AUTS2: variants seen among roughly 807,000 people sequenced by gnomAD.
The protein encoded by AUTS2 is autism susceptibility gene 2 protein.
AUTS2 carries 17 observed loss-of-function variants against 112.4 expected under a neutral mutation model. The ratio of observed to expected loss-of-function variants is 0.15; its 90% CI spans 0.10 to 0.23. AUTS2 has a LOEUF of 0.23. Among genes scored for constraint, AUTS2 ranks in the 10% least tolerant of loss-of-function variants. The probability of loss-of-function intolerance (pLI) is 1.00; values close to 1 mark genes in which losing one functional copy is unlikely to be tolerated. For missense variants in AUTS2, 1,510 were observed against 1,701.6 expected (o/e 0.89, Z 1.98); for synonymous variants, 751 against 702.7 (o/e 1.07, Z -1.09).
At chr7:69,696,693 AAG>A (rs1461670076) in intron 1 of AUTS2, among the ~76,000 whole-genome samples, 1 of 152,228 alleles carries the variant, frequency 6.6e-6, no homozygotes, top group Non-Finnish European at 1.5e-5. Flanking sequence ...ATTTTGCCCT[AAG>A]AACCTGACCT....
intron 1 of AUTS2, among the ~76,000 whole-genome samples, chr7:69,648,955 TTG>T (rs1013740043): frequency 1.5e-4 from 23 of 152,154 alleles, no homozygotes; most frequent in African/African-American, 5.5e-4. Context: ...GCTATTTAAG[TTG>T]GATGGCTGGG....
chr7:69,709,194 A>G (rs1479844760), intron 1 of AUTS2, among the ~76,000 whole-genome samples: 2 of 152,258 alleles, frequency 1.3e-5, no homozygotes, highest in Non-Finnish European at 2.9e-5. Context: ...GGAGAGGTTT[A>G]GAAAACTCCT....
At chr7:70,144,198 A>G (rs181239464) in intron 4 of AUTS2, among the ~76,000 whole-genome samples, 29 of 152,062 alleles carry the variant, frequency 1.9e-4, no homozygotes, top group Non-Finnish European at 4.0e-4. Context: ...ACTTTTTCCT[A>G]CCTTTGTGGA....
intron 4 of AUTS2, among the ~76,000 whole-genome samples, chr7:70,415,306 T>C (rs1031010350): frequency 3.3e-5 from 5 of 152,238 alleles, no homozygotes; most frequent in African/African-American, 1.2e-4. Flanking sequence ...TCTGATTTTT[T>C]CATTATGTCA....
intron 6 of AUTS2, chr7:70,698,893 C>G (rs1448364042): frequency 1.0e-5 from 3 of 297,646 alleles, no homozygotes; most frequent in Non-Finnish European, 1.8e-5. Flanking sequence ...AAGCTGTACT[C>G]GAGAAGAATA....
At chr7:70,460,991 T>C (rs1796940267) in intron 5 of AUTS2, among the ~76,000 whole-genome samples, 1 of 151,906 alleles carries the variant, frequency 6.6e-6, no homozygotes, top group Non-Finnish European at 1.5e-5. Flanking sequence ...GGGCAGAAGG[T>C]AAGTGGTGAC....
chr7:70,492,341 C>G (rs1798283709), intron 5 of AUTS2, among the ~76,000 whole-genome samples: 1 of 152,134 alleles, frequency 6.6e-6, no homozygotes, highest in African/African-American at 2.4e-5. Flanking sequence ...CATGTTGACA[C>G]TGATGCTGGC....
chr7:69,863,447 A>G (rs749133208), intron 1 of AUTS2, among the ~76,000 whole-genome samples: 2 of 152,192 alleles, frequency 1.3e-5, no homozygotes, highest in Non-Finnish European at 2.9e-5. Flanking sequence ...CCACAGATAC[A>G]GCGGGACAAC....
At chr7:70,185,558 A>C (rs1584850852) in intron 4 of AUTS2, among the ~76,000 whole-genome samples, 1 of 152,224 alleles carries the variant, frequency 6.6e-6, no homozygotes, top group East Asian at 1.9e-4. Context: ...CATTTATTTA[A>C]TTGTGGCTTG....
Position 70,143,508 on chromosome 7 carries a change from T to A in AUTS2, c.660+8937T>A, listed in dbSNP as rs540318590. Among the ~76,000 whole-genome samples the A allele has an allele frequency of 2.0e-5, 3 of 152,342 alleles. No homozygotes were observed. The East Asian group carries it at 5.8e-4, about 29-fold the overall frequency. The stretch of plus-strand genomic sequence containing the variant: ...CACTGTTAACAAACCTTAATTTGCT[T>A]AGTAGGCTAATGAATGATCTCCAAT... On this transcript the variant is annotated intron_variant, in intron 4 of 18. Transcript: ENST00000342771.
intron 1 of AUTS2, among the ~76,000 whole-genome samples, chr7:69,720,220 A>G (rs1798850508): frequency 6.6e-6 from 1 of 152,210 alleles, no homozygotes; most frequent in Non-Finnish European, 1.5e-5. Flanking sequence ...TAGAGTTGTT[A>G]ACAAAACTTT....
chr7:70,303,932 C>T (rs1789364233), intron 4 of AUTS2, among the ~76,000 whole-genome samples: 1 of 152,172 alleles, frequency 6.6e-6, no homozygotes. Context: ...TATATCCTAA[C>T]CACATTCCTT....
intron 4 of AUTS2, among the ~76,000 whole-genome samples, chr7:70,349,681 G>A (rs1388283023): frequency 1.3e-5 from 2 of 151,330 alleles, no homozygotes; most frequent in Admixed American, 1.3e-4. Context: ...TTCACATGGT[G>A]CCTGGTATCT....
At chr7:70,448,932 A>G (rs983835129) in intron 5 of AUTS2, among the ~76,000 whole-genome samples, 1 of 152,230 alleles carries the variant, frequency 6.6e-6, no homozygotes, top group Non-Finnish European at 1.5e-5. Context: ...ACCCTTCCGT[A>G]TGAAGAGACT....
At chr7:70,015,657 A>C (rs1799993930) in intron 2 of AUTS2, among the ~76,000 whole-genome samples, 1 of 152,254 alleles carries the variant, frequency 6.6e-6, no homozygotes, top group African/African-American at 2.4e-5. Flanking sequence ...CAGACTGTGA[A>C]TAATACACAA....
Position 70,560,209 on chromosome 7 carries a change from A to G in AUTS2, c.690+124428A>G, listed in dbSNP as rs545328323. On this transcript the variant is annotated intron_variant, in intron 5 of 18. Coordinates refer to ENST00000342771, the MANE Select transcript of AUTS2 (RefSeq NM_015570.4). ...CCCTGACTACCCTATTAAAACAACAACAGTACATCCCCCACCCCAAATCAC... is the reference window on the plus strand; with the variant it reads ...CCCTGACTACCCTATTAAAACAACAGCAGTACATCCCCCACCCCAAATCAC... Among the ~76,000 whole-genome samples the G allele has an allele frequency of 2.2e-4, 34 of 152,256 alleles. No individual in the cohort carries two copies. In the South Asian group the frequency reaches 6.6e-3, roughly 30 times the overall value.
intron 2 of AUTS2, among the ~76,000 whole-genome samples, chr7:69,990,850 T>G (rs977545999): frequency 2.6e-5 from 4 of 152,198 alleles, no homozygotes; most frequent in Non-Finnish European, 5.9e-5. Flanking sequence ...GAGCATTTCT[T>G]TGGAGTGTCA....
At chr7:70,424,291 C>T (rs1276225406) in intron 4 of AUTS2, among the ~76,000 whole-genome samples, 1 of 152,210 alleles carries the variant, frequency 6.6e-6, no homozygotes, top group Non-Finnish European at 1.5e-5. Flanking sequence ...GCATTCACTG[C>T]TGCTTGTAGG....
chr7:69,899,296 C>T lies in AUTS2; in HGVS notation c.320C>T (p.Ala107Val). The change falls in exon 2 of 19, where the codon GCA (alanine) becomes GTA (valine). Residue 107 changes from alanine to valine, a missense_variant. By Grantham distance (64) the Ala-to-Val change is moderately conservative. Coordinates refer to ENST00000342771, the MANE Select transcript of AUTS2 (RefSeq NM_015570.4). ...VTFEALEKDV[A>V]LKPQERVEKR... ...TCTTCTTTTCTACAGAAAGATGTAGCACTTAAGCCTCAGGAACGTGTGGAG... is the reference window on the plus strand; with the variant it reads ...TCTTCTTTTCTACAGAAAGATGTAGTACTTAAGCCTCAGGAACGTGTGGAG... 3 of 1,612,490 alleles carry T rather than the reference C, an allele frequency of 1.9e-6. No individual in the cohort carries two copies. Among genetic ancestry groups the T allele is most frequent in the Non-Finnish European group, 2.5e-6 (3 of 1,178,570 alleles).
Sources: allele counts gnomAD v4.1 joint callset (sites outside exome capture counted in the v4.1 genomes callset), GRCh38; gene constraint gnomAD v4.1.1; transcripts MANE v1.5; gene names NCBI Gene and HGNC (gene_info 2026-07-23, HGNC 2026-07-21).